The following DPY19L1 variants were observed in gnomAD, a reference collection of about 807,000 sequenced individuals.
DPY19L1 encodes the protein protein C-mannosyl-transferase DPY19L1.
A neutral mutation model predicts 96.9 loss-of-function variants in DPY19L1; 35 were observed. That is an observed-to-expected ratio of 0.36 (90% CI 0.28 to 0.48). The LOEUF (loss-of-function observed/expected upper bound fraction) is 0.48. DPY19L1 is among the 20% of genes least tolerant of loss of function. The pLI is 0.99. For synonymous variants in DPY19L1, 205 were observed against 252.6 expected (o/e 0.81, Z 1.79); for missense variants, 521 against 777.9 (o/e 0.67, Z 3.93).
intron 1 of DPY19L1, among the ~76,000 whole-genome samples, chr7:35,035,175 C>T (rs1288581672): frequency 6.6e-5 from 10 of 152,358 alleles, no homozygotes; most frequent in South Asian, 2.1e-4. Context: ...GACAGAAAGT[C>T]TCTAGACCTG....
intron 19 of DPY19L1, 71 bp from the exon 20 acceptor site, chr7:34,939,446 T>A: frequency 1.5e-6 from 2 of 1,330,708 alleles, no homozygotes; most frequent in South Asian, 2.5e-5. Flanking sequence ...CAAGTGTAAA[T>A]CAATTATTTC....
chr7:34,935,819 A>G (rs1783857431), intron 21 of DPY19L1, among the ~76,000 whole-genome samples: 1 of 152,246 alleles, frequency 6.6e-6, no homozygotes, highest in Non-Finnish European at 1.5e-5. Context: ...GATAAATATT[A>G]GTCATTCTTC....
intron 6 of DPY19L1, among the ~76,000 whole-genome samples, chr7:34,992,543 C>CTTTTTTTTT (rs34687334): frequency 7.5e-6 from 1 of 133,844 alleles, no homozygotes. Flanking sequence ...ACCTTCCTGC[C>CTTTTTTTTT]TTTTTTTTTT....
intron 1 of DPY19L1, among the ~76,000 whole-genome samples, chr7:35,029,699 A>G (rs1222668863): frequency 1.3e-5 from 2 of 152,214 alleles, no homozygotes; most frequent in South Asian, 2.1e-4. Context: ...AAAAAACCCC[A>G]GAGACTGACA....
At chr7:34,998,099 C>T (rs1028992027) in intron 6 of DPY19L1, among the ~76,000 whole-genome samples, 4 of 152,188 alleles carry the variant, frequency 2.6e-5, no homozygotes, top group Admixed American at 2.6e-4. Context: ...TCAGAGAAAC[C>T]ACTCTGAACC....
intron 15 of DPY19L1, 133 bp from the exon 16 acceptor site, chr7:34,945,849 C>G (rs1477775221): frequency 1.5e-6 from 1 of 663,734 alleles, no homozygotes; most frequent in Non-Finnish European, 2.6e-6. Flanking sequence ...AAATAATAAT[C>G]ACAACAACAT....
chr7:34,998,378 C>T (rs1230816299), intron 6 of DPY19L1, among the ~76,000 whole-genome samples: 1 of 152,054 alleles, frequency 6.6e-6, no homozygotes, highest in Admixed American at 6.5e-5. Context: ...ATGTAGAGTT[C>T]GTGAAAAAGA....
chr7:34,980,963 T>C (rs780487100), intron 7 of DPY19L1, among the ~76,000 whole-genome samples: 44 of 152,046 alleles, frequency 2.9e-4, no homozygotes, highest in Non-Finnish European at 5.4e-4. Flanking sequence ...AGCCCCCAAA[T>C]AGGCAAAACT....
chr7:35,025,117 T>C (rs768422458), intron 1 of DPY19L1, among the ~76,000 whole-genome samples: 2 of 152,212 alleles, frequency 1.3e-5, no homozygotes, highest in Non-Finnish European at 2.9e-5. Context: ...AGTTTCTGTA[T>C]AGCGAACAAA....
At chr7:34,932,392 T>C (rs1220734874) in intron 21 of DPY19L1, among the ~76,000 whole-genome samples, 1 of 152,200 alleles carries the variant, frequency 6.6e-6, no homozygotes, top group Non-Finnish European at 1.5e-5. Flanking sequence ...AATCATCAAA[T>C]ACAAATGCTA....
chr7:34,943,183 A>C (rs1784063481), intron 16 of DPY19L1, among the ~76,000 whole-genome samples: 2 of 152,208 alleles, frequency 1.3e-5, no homozygotes, highest in South Asian at 4.1e-4. Flanking sequence ...CTGTTAATCC[A>C]GGTAGCATAT....
Position 34,930,867 on chromosome 7 carries a change from T to C in DPY19L1, c.*706A>G, listed in dbSNP as rs529761092. The C allele has an allele frequency of 3.3e-5, 5 of 151,130 alleles. No homozygotes were observed. The highest frequency in any genetic ancestry group is 1.2e-4 in the African/African-American group (5 of 41,108). The allele number at this position is 151,130 out of a possible 1,614,324, so 9.4% of individuals were successfully genotyped here. A position where few individuals can be genotyped will look rare whatever the true frequency, so the allele number is the denominator to read the frequency against. On this transcript the variant is annotated 3_prime_UTR_variant, in exon 22 of 22. Coordinates refer to ENST00000638088, the MANE Select transcript of DPY19L1 (RefSeq NM_001366673.1). Reference sequence around the variant, plus strand: ...TAAACAGTACTTATTTGACAGAAAATATGGGGAAGAGGAGAAGAGAGAGAG... The same window carrying C: ...TAAACAGTACTTATTTGACAGAAAACATGGGGAAGAGGAGAAGAGAGAGAG...
chr7:34,952,686 C>T (rs185484498), intron 13 of DPY19L1, among the ~76,000 whole-genome samples: 1 of 152,152 alleles, frequency 6.6e-6, no homozygotes, highest in East Asian at 1.9e-4. Flanking sequence ...TACATTTGAG[C>T]AGGTGAGGTT....
chr7:34,959,894 T>G, intron 10 of DPY19L1, among the ~76,000 whole-genome samples: 1 of 44,106 alleles, frequency 2.3e-5, no homozygotes, highest in South Asian at 1.4e-3. Flanking sequence ...TTTATTTGTA[T>G]ATAAATATAT....
chr7:34,946,707 A>G (rs1475539219), intron 15 of DPY19L1, among the ~76,000 whole-genome samples: 1 of 152,210 alleles, frequency 6.6e-6, no homozygotes, highest in East Asian at 1.9e-4. Context: ...ACATAGCCCA[A>G]CGATAGGGGA....
chr7:34,992,274 T>C (rs1257041265), intron 6 of DPY19L1, among the ~76,000 whole-genome samples: 2 of 152,222 alleles, frequency 1.3e-5, no homozygotes, highest in Non-Finnish European at 2.9e-5. Context: ...CGTGAACTGC[T>C]TATTCATATT....
rs575029103 is a variant in DPY19L1, at chr7:34,943,596, A to G, written c.1545-957T>C. On this transcript the variant is annotated intron_variant, in intron 16 of 21. Coordinates refer to ENST00000638088, the MANE Select transcript of DPY19L1 (RefSeq NM_001366673.1). ...TTTATGTCCTACTCTTCTCCTTTTT[A>G]CACTGGCTTTGGTAGCTATGCAAAA... Among the ~76,000 whole-genome samples, 15 of 152,330 alleles carry G rather than the reference A, an allele frequency of 9.8e-5. No individual in the cohort carries two copies. In the East Asian group the frequency reaches 1.7e-3, roughly 18 times the overall value.
chr7:34,996,623 C>T (rs1453403107), intron 6 of DPY19L1, among the ~76,000 whole-genome samples: 2 of 152,072 alleles, frequency 1.3e-5, no homozygotes, highest in Non-Finnish European at 2.9e-5. Context: ...TACCCAAAGC[C>T]TGCTCCCTCT....
chr7:34,964,054 C>T (rs1028716375), intron 10 of DPY19L1, among the ~76,000 whole-genome samples: 2 of 151,910 alleles, frequency 1.3e-5, no homozygotes, highest in African/African-American at 2.4e-5. Context: ...TATCACTGAA[C>T]TGTATAATTA....
Sources: gnomAD v4.1 joint callset for allele counts (sites outside exome capture counted in the v4.1 genomes callset) on GRCh38, gnomAD v4.1.1 for gene constraint, MANE v1.5 for transcripts, NCBI Gene and HGNC (gene_info 2026-07-23, HGNC 2026-07-21) for gene names.